The following SDC2 variants were observed in gnomAD, a reference collection of about 807,000 sequenced individuals.
SDC2 encodes the protein syndecan 2.
A neutral mutation model predicts 22.2 loss-of-function variants in SDC2; 13 were observed. The ratio of observed to expected loss-of-function variants is 0.59; its 90% CI spans 0.38 to 0.93. SDC2 has a LOEUF of 0.93. SDC2 is among the 40% of genes least tolerant of loss of function. SDC2 has a pLI of 0.00. For missense variants in SDC2, 235 were observed against 246.8 expected (o/e 0.95, Z 0.32); for synonymous variants, 94 against 92.8 (o/e 1.01, Z -0.07).
chr8:96,538,754 A>G (rs1813796590), intron 1 of SDC2: 1 of 152,252 alleles, frequency 6.6e-6, no homozygotes, highest in Admixed American at 6.5e-5. Context: ...AATCTTCAGA[A>G]TGTGAAGAGC....
chr8:96,516,433 T>G (rs1813402589), intron 1 of SDC2, among the ~76,000 whole-genome samples: 1 of 152,158 alleles, frequency 6.6e-6, no homozygotes, highest in Admixed American at 6.5e-5. Context: ...TGTTGAAGTA[T>G]AATGTACCTG....
At chr8:96,528,503 G>A (rs529202990) in intron 1 of SDC2, among the ~76,000 whole-genome samples, 1 of 152,118 alleles carries the variant, frequency 6.6e-6, no homozygotes, top group East Asian at 1.9e-4. Flanking sequence ...CTTTCTAAAA[G>A]GAAAAATGTT....
At position 96,591,157 on chromosome 8, in the gene SDC2, A is replaced by G. The variant is rs181617752; in HGVS notation, c.61-2323A>G. 3.1e-3 allele frequency among the ~76,000 whole-genome samples: 469 copies of G among 152,334 alleles called. 2 individuals carry two copies. The highest frequency in any genetic ancestry group is 6.8e-3 in the Middle Eastern group (2 of 294). The stretch of plus-strand genomic sequence containing the variant: ...GAATGAATTGAAATTCAATTTACAC[A>G]TAGGGATTAAGTATCTCAGTATTAC... On this transcript the variant is annotated intron_variant, in intron 1 of 4. Coordinates refer to ENST00000302190, the MANE Select transcript of SDC2 (RefSeq NM_002998.4).
intron 1 of SDC2, among the ~76,000 whole-genome samples, chr8:96,504,496 C>A (rs1034198169): frequency 8.5e-5 from 13 of 152,316 alleles, no homozygotes; most frequent in African/African-American, 2.6e-4. Flanking sequence ...CTCTTATCAT[C>A]TCCATGCTTG....
chr8:96,513,850 G>A (rs148662162), intron 1 of SDC2, among the ~76,000 whole-genome samples: 164 of 152,298 alleles, frequency 1.1e-3, no homozygotes, highest in African/African-American at 3.8e-3. Context: ...CATACCTGGA[G>A]CTAAGCTGGT....
At chr8:96,601,640 CAAAAAAAAA>C (rs749025894) in intron 2 of SDC2, among the ~76,000 whole-genome samples, 1 of 66,690 alleles carries the variant, frequency 1.5e-5, no homozygotes, top group Non-Finnish European at 2.9e-5. Context: ...ACTCCATCTC[CAAAAAAAAA>C]AAAAAAAAAA....
rs1324727854 is a variant in SDC2 at position 96,610,424 on chromosome 8, A to C, written c.*876A>C. ...AGTTTTTGTTCTTAAAAATGCATTT[A>C]AGTTGTAAACGTCTTTTTAAGCCTT... On this transcript the variant is annotated 3_prime_UTR_variant, in exon 5 of 5. Coordinates refer to ENST00000302190, the MANE Select transcript of SDC2 (RefSeq NM_002998.4). The C allele has an allele frequency of 6.6e-6, 1 of 152,646 alleles. No individual in the cohort carries two copies. The highest frequency in any genetic ancestry group is 1.9e-4 in the East Asian group (1 of 5,200). 9.5% of individuals were successfully genotyped at this position (152,646 alleles called of 1,614,324 possible).
At chr8:96,533,475 C>G (rs1399053624) in intron 1 of SDC2, among the ~76,000 whole-genome samples, 1 of 152,202 alleles carries the variant, frequency 6.6e-6, no homozygotes, top group Admixed American at 6.5e-5. Flanking sequence ...GGTGCATTTG[C>G]AAACCTTGAG....
chr8:96,498,271 T>A (rs1179641160), intron 1 of SDC2, among the ~76,000 whole-genome samples: 1 of 152,102 alleles, frequency 6.6e-6, no homozygotes, highest in East Asian at 1.9e-4. Context: ...TCTAGTGATC[T>A]TTCCGTTCAT....
intron 1 of SDC2, among the ~76,000 whole-genome samples, chr8:96,550,113 A>G (rs1814003036): frequency 6.6e-6 from 1 of 152,214 alleles, no homozygotes; most frequent in African/African-American, 2.4e-5. Flanking sequence ...ATATTTACAA[A>G]TGAATAAGTA....
At chr8:96,550,863 G>A (rs1481192324) in intron 1 of SDC2, among the ~76,000 whole-genome samples, 1 of 152,182 alleles carries the variant, frequency 6.6e-6, no homozygotes, top group African/African-American at 2.4e-5. Flanking sequence ...GGTGACAGGA[G>A]TCAAAGTGCT....
chr8:96,531,449 C>A (rs1413617159), intron 1 of SDC2, among the ~76,000 whole-genome samples: 2 of 152,018 alleles, frequency 1.3e-5, no homozygotes, highest in African/African-American at 4.8e-5. Flanking sequence ...TTTTAAACCC[C>A]AAATTCAAGT....
chr8:96,521,162 A>G (rs1422569812), intron 1 of SDC2, among the ~76,000 whole-genome samples: 1 of 152,246 alleles, frequency 6.6e-6, no homozygotes, highest in Non-Finnish European at 1.5e-5. Flanking sequence ...TCACATTCGT[A>G]TAAATAATAT....
chr8:96,534,233 C>T (rs1394805961), intron 1 of SDC2, among the ~76,000 whole-genome samples: 9 of 152,204 alleles, frequency 5.9e-5, no homozygotes, highest in East Asian at 1.9e-4. Flanking sequence ...GCCCCAGCCT[C>T]GGCTAGCCCA....
intron 1 of SDC2, among the ~76,000 whole-genome samples, chr8:96,566,497 A>C (rs965336619): frequency 6.6e-6 from 1 of 152,164 alleles, no homozygotes; most frequent in African/African-American, 2.4e-5. Context: ...AATGTGGATC[A>C]TAACAAATTT....
intron 1 of SDC2, among the ~76,000 whole-genome samples, chr8:96,514,988 A>C (rs910718539): frequency 6.6e-6 from 1 of 152,048 alleles, no homozygotes; most frequent in African/African-American, 2.4e-5. Flanking sequence ...GCTCACTTCC[A>C]TGTTTCCTTC....
At chr8:96,542,773 CTT>C (rs973959224) in intron 1 of SDC2, among the ~76,000 whole-genome samples, 4 of 152,124 alleles carry the variant, frequency 2.6e-5, no homozygotes, top group African/African-American at 9.7e-5. Flanking sequence ...TTTTCCATCT[CTT>C]AGTGAATAGA....
chr8:96,599,892 A>C (rs2130647952), intron 2 of SDC2, among the ~76,000 whole-genome samples: 1 of 152,264 alleles, frequency 6.6e-6, no homozygotes, highest in East Asian at 1.9e-4. Flanking sequence ...TATAATCTCA[A>C]CACTTTGGGA....
intron 1 of SDC2, among the ~76,000 whole-genome samples, chr8:96,528,374 A>G (rs1235653064): frequency 1.3e-5 from 2 of 152,210 alleles, no homozygotes; most frequent in African/African-American, 2.4e-5. Context: ...AATGATCACT[A>G]GAACAGAAAA....
Sources: gnomAD v4.1 joint callset for allele counts (sites outside exome capture counted in the v4.1 genomes callset) on GRCh38, gnomAD v4.1.1 for gene constraint, MANE v1.5 for transcripts, NCBI Gene and HGNC (gene_info 2026-07-23, HGNC 2026-07-21) for gene names.